DAB1: variants seen among roughly 807,000 people sequenced by gnomAD.
DAB1 encodes the protein disabled homolog 1.
A neutral mutation model predicts 64.6 loss-of-function variants in DAB1; 15 were observed. The ratio of observed to expected loss-of-function variants is 0.23; its 90% confidence interval spans 0.16 to 0.36. DAB1 has a LOEUF of 0.36. Ranked by LOEUF, DAB1 falls within the 10% of genes least tolerant of loss-of-function variation. The pLI is 1.00. For missense variants in DAB1, 596 were observed against 706.7 expected (o/e 0.84, Z 1.78); for synonymous variants, 235 against 251.9 (o/e 0.93, Z 0.64).
At chr1:57,290,385 T>C (rs1296371612) in intron 2 of DAB1, among the ~76,000 whole-genome samples, 1 of 152,192 alleles carries the variant, frequency 6.6e-6, no homozygotes, top group African/African-American at 2.4e-5. Flanking sequence ...TCTTGGGTCC[T>C]ACCCTAGATT....
intron 6 of DAB1, among the ~76,000 whole-genome samples, chr1:57,802,574 T>C (rs367678583): frequency 2.6e-5 from 4 of 151,986 alleles, no homozygotes; most frequent in African/African-American, 7.3e-5. Flanking sequence ...ATAACCCCCA[T>C]TGTTGGAGGT....
rs149379267 is a variant in DAB1 at position 58,075,737 on chromosome 1, C to T, written n.387+74774G>A. Among the ~76,000 whole-genome samples the T allele has an allele frequency of 8.5e-5, 13 of 152,270 alleles. No individual in the cohort carries two copies. In the East Asian group the frequency reaches 1.5e-3, roughly 18 times the overall value. ...TGTACTAGAACCAAGGTCTAGAGAG[C>T]TGTCCGACTCTCTCTCCCTCTCCTG... On this transcript the variant is annotated intron_variant and non_coding_transcript_variant, in intron 5 of 20. Coordinates refer to the DAB1 transcript ENST00000485760.
intron 4 of DAB1, among the ~76,000 whole-genome samples, chr1:58,257,443 C>CT (rs56722865): frequency 2.0e-5 from 3 of 151,570 alleles, no homozygotes; most frequent in African/African-American, 7.3e-5. Context: ...GTGTTAACAC[C>CT]TTTTTTTTTC....
intron 2 of DAB1, among the ~76,000 whole-genome samples, chr1:57,289,956 C>T (rs186064150): frequency 4.6e-5 from 7 of 152,258 alleles, no homozygotes; most frequent in South Asian, 2.1e-4. Context: ...CCAGAAAACA[C>T]GAAAAGTGAC....
intron 6 of DAB1, among the ~76,000 whole-genome samples, chr1:57,746,471 GTA>G (rs996702178): frequency 2.0e-5 from 3 of 152,058 alleles, no homozygotes; most frequent in African/African-American, 4.8e-5. Context: ...AAGGTTGAGA[GTA>G]TGTTTATCTG....
intron 5 of DAB1, among the ~76,000 whole-genome samples, chr1:57,976,240 G>A (rs1485727123): frequency 6.6e-6 from 1 of 152,118 alleles, no homozygotes; most frequent in Non-Finnish European, 1.5e-5. Context: ...CGGCTCTCAG[G>A]CTACCTCACA....
chr1:58,297,057 T>C (rs1662011133), intron 4 of DAB1, among the ~76,000 whole-genome samples: 1 of 152,160 alleles, frequency 6.6e-6, no homozygotes, highest in Non-Finnish European at 1.5e-5. Flanking sequence ...TGAGACACAT[T>C]TATGTATGTC....
intron 2 of DAB1, among the ~76,000 whole-genome samples, chr1:58,526,952 T>A (rs953252817): frequency 1.3e-5 from 2 of 152,138 alleles, no homozygotes; most frequent in African/African-American, 4.8e-5. Context: ...TCAAAAAATT[T>A]ATACACGCAA....
intron 3 of DAB1, among the ~76,000 whole-genome samples, chr1:58,484,965 T>A (rs1645549019): frequency 6.6e-6 from 1 of 152,062 alleles, no homozygotes; most frequent in Non-Finnish European, 1.5e-5. Flanking sequence ...TGCATGATGC[T>A]ATAATGGTGG....
At chr1:58,390,112 G>A (rs1644464096) in intron 3 of DAB1, among the ~76,000 whole-genome samples, 1 of 152,126 alleles carries the variant, frequency 6.6e-6, no homozygotes, top group African/African-American at 2.4e-5. Flanking sequence ...GCTGGGGGAA[G>A]GGAGAGCTGA....
intron 2 of DAB1, among the ~76,000 whole-genome samples, chr1:57,271,610 A>G (rs540451245): frequency 2.0e-5 from 3 of 152,334 alleles, no homozygotes; most frequent in South Asian, 2.1e-4. Context: ...AGAGACAGAC[A>G]TAGGGATGAG....
chr1:58,036,706 G>A (rs1029496215), intron 5 of DAB1, among the ~76,000 whole-genome samples: 9 of 152,190 alleles, frequency 5.9e-5, no homozygotes, highest in Non-Finnish European at 1.3e-4. Flanking sequence ...AGTGGAGGCA[G>A]AGGTACAGAG....
At chr1:58,420,863 C>T (rs543657844) in intron 3 of DAB1, among the ~76,000 whole-genome samples, 49 of 152,302 alleles carry the variant, frequency 3.2e-4, no homozygotes, top group African/African-American at 1.1e-3. Flanking sequence ...CCAAATCTAA[C>T]TGCTCTCCTC....
intron 3 of DAB1, among the ~76,000 whole-genome samples, chr1:58,478,107 A>G (rs1645436917): frequency 6.6e-6 from 1 of 152,164 alleles, no homozygotes; most frequent in South Asian, 2.1e-4. Flanking sequence ...CAAGAAAGGT[A>G]AGTGATTGAA....
intron 2 of DAB1, among the ~76,000 whole-genome samples, chr1:57,189,865 A>G (rs1404713563): frequency 6.6e-6 from 1 of 151,532 alleles, no homozygotes; most frequent in African/African-American, 2.4e-5. Context: ...AAAAAACACA[A>G]CAGAAAACAA....
intron 1 of DAB1, among the ~76,000 whole-genome samples, chr1:57,350,835 C>T (rs1678531551): frequency 6.6e-6 from 1 of 152,166 alleles, no homozygotes; most frequent in African/African-American, 2.4e-5. Context: ...TTGCTAACCA[C>T]AGCCTGTGCG....
At chr1:57,129,672 C>T (rs1309702143) in intron 4 of DAB1, among the ~76,000 whole-genome samples, 3 of 152,186 alleles carry the variant, frequency 2.0e-5, no homozygotes, top group Non-Finnish European at 4.4e-5. Context: ...TCTCATGGCT[C>T]GCTTCTCTTT....
At chr1:57,871,912 T>C (rs1224463707) in intron 1 of DAB1, among the ~76,000 whole-genome samples, 1 of 152,150 alleles carries the variant, frequency 6.6e-6, no homozygotes, top group Non-Finnish European at 1.5e-5. Flanking sequence ...AGTTTATTTG[T>C]TCATTCAACA....
chr1:58,068,783 A>C (rs375608839), intron 5 of DAB1, among the ~76,000 whole-genome samples: 8 of 86,628 alleles, frequency 9.2e-5, no homozygotes, highest in Non-Finnish European at 1.4e-4. Flanking sequence ...AAAAAAAACC[A>C]AAAAAAAAAA....
Sources: allele counts gnomAD v4.1 joint callset (sites outside exome capture counted in the v4.1 genomes callset), GRCh38; gene constraint gnomAD v4.1.1; transcripts MANE v1.5; gene names NCBI Gene and HGNC (gene_info 2026-07-23, HGNC 2026-07-21).